The following TG variants were observed in gnomAD, a reference collection of about 807,000 sequenced individuals.
TG encodes thyroglobulin.
A neutral mutation model predicts 324.7 loss-of-function variants in TG; 270 were observed. The observed-to-expected ratio is 0.83, with a 90% confidence interval of 0.75 to 0.92. TG has a LOEUF of 0.92. Among genes scored for constraint, TG ranks in the 40% least tolerant of loss-of-function variants. The pLI is 0.00. For synonymous variants in TG, 1,401 were observed against 1,327.0 expected (o/e 1.06, Z -1.21); for missense variants, 3,591 against 3,456.4 (o/e 1.04, Z -0.98).
chr8:133,005,741 C>G (rs1282869443), intron 35 of TG, among the ~76,000 whole-genome samples: 1 of 152,156 alleles, frequency 6.6e-6, no homozygotes, highest in African/African-American at 2.4e-5. Flanking sequence ...GTGTTCAACT[C>G]TTCTCTGGTT....
At chr8:132,956,926 G>A (rs1826967214) in intron 27 of TG, among the ~76,000 whole-genome samples, 1 of 152,110 alleles carries the variant, frequency 6.6e-6, no homozygotes, top group African/African-American at 2.4e-5. Flanking sequence ...GAATGCATGT[G>A]GAGACTGATG....
rs111975969 is a variant in TG, at chr8:132,919,586, G to T, written c.4528+61G>T. On this transcript the variant is annotated intron_variant, in intron 21 of 47. Transcript: ENST00000220616. ...CCTGCAATGAAATGGAACTCAACAG[G>T]GTTTCCCAATCTCTGCACTATTGAC... 4.4e-6 allele frequency: 7 copies of T among 1,603,496 alleles called. No individual in the cohort carries two copies. In the African/African-American group the frequency reaches 6.7e-5, roughly 15 times the overall value.
intron 35 of TG, among the ~76,000 whole-genome samples, chr8:132,994,495 C>T (rs770954264): frequency 6.6e-6 from 1 of 152,168 alleles, no homozygotes; most frequent in Non-Finnish European, 1.5e-5. Flanking sequence ...GAGTACAACC[C>T]ACTAGAAGAT....
At chr8:132,871,777 G>T (rs1384388028) in intron 4 of TG, among the ~76,000 whole-genome samples, 2 of 152,182 alleles carry the variant, frequency 1.3e-5, no homozygotes, top group African/African-American at 4.8e-5. Flanking sequence ...GGATTTCATT[G>T]AACGTTGTGA....
intron 41 of TG, chr8:133,037,995 C>T (rs1294565666): frequency 1.3e-5 from 2 of 155,444 alleles, no homozygotes; most frequent in African/African-American, 4.8e-5. Context: ...CACGAAGTTC[C>T]TTTAAAAAGA....
intron 41 of TG, among the ~76,000 whole-genome samples, chr8:133,057,641 G>C (rs1841687417): frequency 6.6e-6 from 1 of 152,110 alleles, no homozygotes. Context: ...GAAGCTCAGT[G>C]AGGGCCTTCT....
intron 40 of TG, among the ~76,000 whole-genome samples, chr8:133,024,261 T>C (rs1055063321): frequency 3.0e-4 from 46 of 152,246 alleles, no homozygotes; most frequent in African/African-American, 1.1e-3. Flanking sequence ...GTTCTTCAGC[T>C]GTGCTGAACA....
intron 24 of TG, among the ~76,000 whole-genome samples, chr8:132,934,056 G>A (rs1705575605): frequency 6.6e-6 from 1 of 152,166 alleles, no homozygotes; most frequent in Non-Finnish European, 1.5e-5. Context: ...GTGGTTGGAG[G>A]GCACGGTGGC....
intron 45 of TG, among the ~76,000 whole-genome samples, chr8:133,116,993 A>G (rs1850750452): frequency 6.6e-6 from 1 of 152,178 alleles, no homozygotes; most frequent in South Asian, 2.1e-4. Flanking sequence ...AGGCTTTTTC[A>G]TTTACTCTCT....
intron 22 of TG, among the ~76,000 whole-genome samples, chr8:132,924,557 C>A (rs1277009375): frequency 6.6e-6 from 1 of 152,192 alleles, no homozygotes; most frequent in Non-Finnish European, 1.5e-5. Context: ...CTACCCTGTA[C>A]CACGTACAGT....
chr8:132,988,850 G>C (rs576919355), intron 35 of TG: 8 of 985,250 alleles, frequency 8.1e-6, no homozygotes, highest in Non-Finnish European at 9.6e-6. Flanking sequence ...CCAGGACAAC[G>C]AGCATTCAGC....
chr8:133,040,195 G>A (rs1698041404), intron 41 of TG: 2 of 1,526,218 alleles, frequency 1.3e-6, no homozygotes, highest in Non-Finnish European at 1.8e-6. Flanking sequence ...TGGGGTTCAG[G>A]CCTGAGACAC....
chr8:133,071,368 G>A (rs1322044968), intron 41 of TG, among the ~76,000 whole-genome samples: 7 of 152,224 alleles, frequency 4.6e-5, no homozygotes, highest in Non-Finnish European at 4.4e-5. Context: ...TGGCTCTAGA[G>A]CCTGGCTCCC....
intron 34 of TG, among the ~76,000 whole-genome samples, 200 bp from the exon 35 acceptor site, chr8:132,983,150 T>G (rs886858806): frequency 6.6e-6 from 1 of 152,226 alleles, no homozygotes; most frequent in Admixed American, 6.5e-5. Flanking sequence ...GATCCTGAAC[T>G]GTTCTAAGCC....
chr8:132,893,186 A>T (rs561244035), intron 10 of TG, among the ~76,000 whole-genome samples: 170 of 69,866 alleles, frequency 2.4e-3, no homozygotes, highest in Non-Finnish European at 3.6e-3. Flanking sequence ...TGTGGTGTGT[A>T]TGTGAGTGTG....
At chr8:133,021,966 C>T in intron 39 of TG, 25 bp from the exon 40 acceptor site, 5 of 1,614,058 alleles carry the variant, frequency 3.1e-6, no homozygotes, top group Non-Finnish European at 4.2e-6. Context: ...CACACTTTAG[C>T]CTCATGTTTC....
intron 41 of TG, among the ~76,000 whole-genome samples, chr8:133,071,433 C>T (rs769389245): frequency 2.0e-5 from 3 of 152,164 alleles, no homozygotes; most frequent in Non-Finnish European, 2.9e-5. Flanking sequence ...TAAAGCAGAG[C>T]TCTCCTTTTT....
chr8:133,118,622 GCCCTGA>G (rs1850898535), intron 45 of TG, among the ~76,000 whole-genome samples: 2 of 152,066 alleles, frequency 1.3e-5, no homozygotes, highest in Non-Finnish European at 2.9e-5. Context: ...ACTGTACCTG[GCCCTGA>G]CTCTTGCATT....
chr8:132,984,993 C>T (rs1035172731), intron 35 of TG, among the ~76,000 whole-genome samples: 2 of 151,664 alleles, frequency 1.3e-5, no homozygotes, highest in African/African-American at 4.8e-5. Flanking sequence ...CATCTCTGCT[C>T]ATCTGCCACT....
Sources: allele counts gnomAD v4.1 joint callset (sites outside exome capture counted in the v4.1 genomes callset), GRCh38; gene constraint gnomAD v4.1.1; transcripts MANE v1.5; gene names NCBI Gene and HGNC (gene_info 2026-07-23, HGNC 2026-07-21).